Variants in CNTN4 observed in about 807,000 individuals in gnomAD.
The protein encoded by CNTN4 is contactin 4.
Under a neutral mutation model 122.5 loss-of-function variants are expected in CNTN4, and 77 were observed. The observed-to-expected ratio is 0.63, with a 90% CI of 0.52 to 0.76. The LOEUF (loss-of-function observed/expected upper bound fraction) is 0.76. CNTN4 is among the 30% of genes least tolerant of loss of function. The probability of loss-of-function intolerance (pLI) is 0.00; values close to 1 mark genes in which losing one functional copy is unlikely to be tolerated. For missense variants in CNTN4, 1,256 were observed against 1,259.1 expected, an observed-to-expected ratio of 1.00 and a Z score of 0.04; for synonymous variants, 512 against 447.0, an observed-to-expected ratio of 1.15 and a Z score of -1.83.
rs542426009 is a variant in CNTN4, at chr3:2,582,112, T to A, written c.55+10554T>A. 1.1e-4 allele frequency among the ~76,000 whole-genome samples: 17 copies of A among 152,306 alleles called. No homozygotes were observed. The South Asian group carries it at 1.7e-3, about 15-fold the overall frequency. On this transcript the variant is annotated intron_variant, in intron 4 of 24. Coordinates refer to ENST00000418658, the MANE Select transcript of CNTN4 (RefSeq NM_175607.3). ...CCTCGTGAGTACACTAAAAATCACT[T>A]AACTGTACATTTTAAAAGGCTGAAT...
chr3:2,741,920 A>G lies in CNTN4; in HGVS notation c.183-3602A>G, dbSNP rs1212194661. Among the ~76,000 whole-genome samples the G allele has an allele frequency of 2.0e-5, 3 of 152,368 alleles. No homozygotes were observed. The East Asian group carries it at 5.8e-4, about 29-fold the overall frequency. ...TTTAGATTTCCAGGAAACACTGAGA[A>G]CAAAACTTTTTAATCAAATGCACTA... On this transcript the variant is annotated intron_variant, in intron 5 of 24. Transcript: ENST00000418658.
At chr3:2,339,978 A>G (rs950102547) in intron 3 of CNTN4, among the ~76,000 whole-genome samples, 3 of 152,264 alleles carry the variant, frequency 2.0e-5, no homozygotes, top group Non-Finnish European at 4.4e-5. Flanking sequence ...GCATCAGTCA[A>G]ATCTCTGCCT....
At chr3:2,339,390 A>G (rs926961608) in intron 3 of CNTN4, among the ~76,000 whole-genome samples, 157 bp downstream of exon 3, 1 of 152,198 alleles carries the variant, frequency 6.6e-6, no homozygotes, top group Non-Finnish European at 1.5e-5. Flanking sequence ...AAAGTAGTGA[A>G]GTTACATAAA....
chr3:2,471,989 A>G (rs763950066), intron 3 of CNTN4, among the ~76,000 whole-genome samples: 1 of 152,148 alleles, frequency 6.6e-6, no homozygotes, highest in Non-Finnish European at 1.5e-5. Flanking sequence ...CAAGCTACCT[A>G]GAATTGTAAA....
chr3:2,606,637 T>C (rs1343875130), intron 4 of CNTN4, among the ~76,000 whole-genome samples: 1 of 152,170 alleles, frequency 6.6e-6, no homozygotes, highest in Non-Finnish European at 1.5e-5. Context: ...TTGACATTAG[T>C]TTTGTTTTTA....
intron 13 of CNTN4, among the ~76,000 whole-genome samples, chr3:2,977,382 G>T (rs960638967): frequency 2.0e-5 from 3 of 152,040 alleles, no homozygotes; most frequent in Non-Finnish European, 4.4e-5. Flanking sequence ...CAACAAACTG[G>T]GTTAATTACA....
At chr3:2,295,629 G>T (rs2042283837) in intron 2 of CNTN4, among the ~76,000 whole-genome samples, 1 of 152,014 alleles carries the variant, frequency 6.6e-6, no homozygotes, top group African/African-American at 2.4e-5. Context: ...TCTATAGGTT[G>T]CCTGTTCACT....
chr3:2,812,978 G>A (rs779543714), intron 6 of CNTN4, among the ~76,000 whole-genome samples: 4 of 152,132 alleles, frequency 2.6e-5, no homozygotes, highest in Non-Finnish European at 5.9e-5. Context: ...GGGAAGTCCA[G>A]TCTTCCTTCT....
intron 2 of CNTN4, among the ~76,000 whole-genome samples, chr3:2,194,531 T>C (rs2037745317): frequency 2.0e-5 from 3 of 152,166 alleles, no homozygotes; most frequent in African/African-American, 2.4e-5. Flanking sequence ...ATTGGTTGAA[T>C]TGTGTCCTTC....
chr3:2,487,572 CTT>C (rs1301794990), intron 3 of CNTN4, among the ~76,000 whole-genome samples: 1 of 152,184 alleles, frequency 6.6e-6, no homozygotes, highest in Non-Finnish European at 1.5e-5. Context: ...TCCAAATACT[CTT>C]TAGCACAGAT....
intron 4 of CNTN4, among the ~76,000 whole-genome samples, chr3:2,665,726 C>T (rs752531446): frequency 3.3e-5 from 5 of 152,134 alleles, no homozygotes; most frequent in Non-Finnish European, 5.9e-5. Context: ...CTTAGGTTAC[C>T]CTCTCAATCA....
intron 3 of CNTN4, among the ~76,000 whole-genome samples, chr3:2,400,932 A>G (rs552740340): frequency 6.7e-6 from 1 of 149,298 alleles, no homozygotes; most frequent in East Asian, 1.9e-4. Flanking sequence ...ACATCATAAT[A>G]GTTTTCTTCT....
intron 2 of CNTN4, among the ~76,000 whole-genome samples, chr3:2,169,579 T>TGTATTTTTA (rs2036363820): frequency 2.0e-5 from 3 of 150,638 alleles, no homozygotes; most frequent in South Asian, 2.1e-4. Context: ...CTGATTTTTT[T>TGTATTTTTA]GTAGAGACGG....
intron 3 of CNTN4, among the ~76,000 whole-genome samples, chr3:2,433,241 T>TA (rs1384887802): frequency 3.3e-5 from 5 of 152,230 alleles, no homozygotes; most frequent in Non-Finnish European, 7.3e-5. Flanking sequence ...ATTGGCTTAC[T>TA]AATCTACATT....
intron 2 of CNTN4, among the ~76,000 whole-genome samples, chr3:2,118,108 C>T (rs2033488374): frequency 1.3e-5 from 2 of 152,150 alleles, no homozygotes; most frequent in African/African-American, 2.4e-5. Flanking sequence ...AAGGAAGTCA[C>T]TAAATGTTTT....
At chr3:2,430,281 G>C (rs2048015406) in intron 3 of CNTN4, among the ~76,000 whole-genome samples, 1 of 151,900 alleles carries the variant, frequency 6.6e-6, no homozygotes, top group Non-Finnish European at 1.5e-5. Context: ...AATTAGCCGG[G>C]CGTGGTGGCG....
intron 12 of CNTN4, among the ~76,000 whole-genome samples, chr3:2,917,573 T>G (rs928478495): frequency 3.3e-5 from 5 of 152,130 alleles, no homozygotes; most frequent in Admixed American, 2.0e-4. Flanking sequence ...TGGCAAAAAG[T>G]TGTGAAATCA....
intron 3 of CNTN4, among the ~76,000 whole-genome samples, chr3:2,477,608 T>C (rs1423873946): frequency 2.0e-5 from 3 of 152,214 alleles, no homozygotes; most frequent in African/African-American, 7.2e-5. Flanking sequence ...AGCTCTATCT[T>C]CTACCCTTAG....
chr3:2,946,237 G>A (rs138832724), intron 13 of CNTN4, among the ~76,000 whole-genome samples: 255 of 152,292 alleles, frequency 1.7e-3, no homozygotes, highest in African/African-American at 5.8e-3. Flanking sequence ...AAGGGGAGAA[G>A]GGAGGGTCAA....
Sources: allele counts gnomAD v4.1 joint callset (sites outside exome capture counted in the v4.1 genomes callset), GRCh38; gene constraint gnomAD v4.1.1; transcripts MANE v1.5; gene names NCBI Gene and HGNC (gene_info 2026-07-23, HGNC 2026-07-21).